The following TEAD1 variants were observed in gnomAD, a reference collection of about 807,000 sequenced individuals.
TEAD1 encodes TEA domain transcription factor 1, also known as transcriptional enhancer factor TEF-1.
In TEAD1, 9 loss-of-function variants were observed where a neutral mutation model predicts 54.9. The ratio of observed to expected loss-of-function variants is 0.16; its 90% CI spans 0.10 to 0.29. TEAD1 has a LOEUF of 0.29. Among genes scored for constraint, TEAD1 ranks in the 10% least tolerant of loss-of-function variants. The pLI is 1.00. For synonymous variants in TEAD1, 200 were observed against 187.8 expected (o/e 1.07, Z -0.53); for missense variants, 387 against 535.9 (o/e 0.72, Z 2.74).
intron 10 of TEAD1, among the ~76,000 whole-genome samples, chr11:12,912,059 T>A (rs983980910): frequency 1.3e-5 from 2 of 152,148 alleles, no homozygotes; most frequent in East Asian, 3.8e-4. Context: ...CCAACTCACA[T>A]TACCACCTGA....
chr11:12,723,300 C>G (rs1944250033), intron 2 of TEAD1, among the ~76,000 whole-genome samples: 1 of 152,086 alleles, frequency 6.6e-6, no homozygotes. Context: ...TTGAGTATGG[C>G]TTTACTTACT....
At chr11:12,774,693 C>T (rs1336969592) in intron 3 of TEAD1, among the ~76,000 whole-genome samples, 2 of 152,176 alleles carry the variant, frequency 1.3e-5, no homozygotes, top group Admixed American at 1.3e-4. Flanking sequence ...TTCTACCTCT[C>T]AGCAATGTTG....
At chr11:12,730,138 T>G (rs888465999) in intron 2 of TEAD1, among the ~76,000 whole-genome samples, 9 of 152,174 alleles carry the variant, frequency 5.9e-5, no homozygotes, top group Admixed American at 5.9e-4. Context: ...TTATCACTCA[T>G]AAAACATTTA....
intron 9 of TEAD1, among the ~76,000 whole-genome samples, chr11:12,889,506 C>T (rs1229437058): frequency 1.3e-5 from 2 of 152,078 alleles, no homozygotes; most frequent in East Asian, 1.9e-4. Context: ...GAGCAGGAGC[C>T]AGGAAGAAAG....
chr11:12,884,718 G>A (rs937293735), intron 9 of TEAD1, among the ~76,000 whole-genome samples: 1 of 152,150 alleles, frequency 6.6e-6, no homozygotes, highest in East Asian at 1.9e-4. Flanking sequence ...ATCAGGACAG[G>A]TACAAGAAAA....
intron 3 of TEAD1, among the ~76,000 whole-genome samples, chr11:12,829,840 G>A (rs1015648204): frequency 6.6e-6 from 1 of 152,202 alleles, no homozygotes; most frequent in African/African-American, 2.4e-5. Context: ...CTGGGTGTTG[G>A]CATCAAGGGG....
At chr11:12,828,305 A>G (rs1041366748) in intron 3 of TEAD1, 2 of 152,214 alleles carry the variant, frequency 1.3e-5, no homozygotes, top group African/African-American at 4.8e-5. Flanking sequence ...GGCGTCGGAC[A>G]GTCAGGCCTT....
chr11:12,803,575 T>C (rs528782105), intron 3 of TEAD1, among the ~76,000 whole-genome samples: 1 of 152,274 alleles, frequency 6.6e-6, no homozygotes, highest in East Asian at 1.9e-4. Context: ...TGTGGCCCTC[T>C]GTGCCTGCTG....
intron 2 of TEAD1, among the ~76,000 whole-genome samples, chr11:12,679,894 GT>G (rs1027224549): frequency 7.9e-5 from 12 of 152,078 alleles, no homozygotes; most frequent in African/African-American, 2.9e-4. Context: ...GAAAGAGACT[GT>G]TTTTTTGCTT....
At chr11:12,894,847 G>A (rs372621257) in intron 9 of TEAD1, among the ~76,000 whole-genome samples, 2 of 152,138 alleles carry the variant, frequency 1.3e-5, no homozygotes, top group African/African-American at 4.8e-5. Context: ...AGCAAATTAC[G>A]TGCTATGTAC....
chr11:12,883,555 C>T (rs137929294), intron 9 of TEAD1, among the ~76,000 whole-genome samples: 35 of 152,196 alleles, frequency 2.3e-4, no homozygotes, highest in East Asian at 5.8e-4. Flanking sequence ...AAACAGAGAG[C>T]GTAAGTAACT....
intron 5 of TEAD1, among the ~76,000 whole-genome samples, chr11:12,877,917 G>A (rs924517495): frequency 6.6e-6 from 1 of 151,434 alleles, no homozygotes; most frequent in African/African-American, 2.4e-5. Context: ...CCCACCTCAG[G>A]CTCTTGAGTA....
intron 8 of TEAD1, 32 bp from the exon 9 acceptor site, chr11:12,882,969 A>G (rs769227168): frequency 2.5e-6 from 4 of 1,613,974 alleles, no homozygotes; most frequent in African/African-American, 2.7e-5. Flanking sequence ...GAGGTGAGTG[A>G]CCAGCATCAA....
chr11:12,730,413 A>ACT (rs1226488263), intron 2 of TEAD1, among the ~76,000 whole-genome samples: 3 of 79,108 alleles, frequency 3.8e-5, no homozygotes, highest in Non-Finnish European at 7.3e-5. Context: ...TTCCCAGTTG[A>ACT]GTGTTTTTTT....
intron 2 of TEAD1, among the ~76,000 whole-genome samples, chr11:12,679,021 T>A (rs181301921): frequency 2.9e-4 from 44 of 152,316 alleles, no homozygotes; most frequent in African/African-American, 9.6e-4. Context: ...GTCCACTGAT[T>A]TTTTGCATAG....
intron 2 of TEAD1, among the ~76,000 whole-genome samples, chr11:12,688,498 G>C (rs560207200): frequency 6.6e-6 from 1 of 152,120 alleles, no homozygotes; most frequent in African/African-American, 2.4e-5. Flanking sequence ...CAACTTGCTT[G>C]TACCTTCTTA....
intron 2 of TEAD1, among the ~76,000 whole-genome samples, chr11:12,710,386 A>G (rs954993133): frequency 9.9e-5 from 15 of 152,172 alleles, no homozygotes; most frequent in Non-Finnish European, 2.1e-4. Flanking sequence ...GACAGATATC[A>G]TTGGGCATCT....
intron 11 of TEAD1, among the ~76,000 whole-genome samples, chr11:12,926,104 G>A (rs926876465): frequency 5.9e-5 from 9 of 152,176 alleles, no homozygotes; most frequent in African/African-American, 2.2e-4. Flanking sequence ...ATTGATCCAT[G>A]TTCAGTGAGC....
At chr11:12,815,051 T>C (rs1590178008) in intron 3 of TEAD1, among the ~76,000 whole-genome samples, 1 of 152,186 alleles carries the variant, frequency 6.6e-6, no homozygotes, top group African/African-American at 2.4e-5. Flanking sequence ...TAAGCCTCAG[T>C]TGAAAAGGGA....
Sources: allele counts gnomAD v4.1 joint callset (sites outside exome capture counted in the v4.1 genomes callset), GRCh38; gene constraint gnomAD v4.1.1; transcripts MANE v1.5; gene names NCBI Gene and HGNC (gene_info 2026-07-23, HGNC 2026-07-21).